The following ABCG4 variants were observed in gnomAD, a reference collection of about 807,000 sequenced individuals.
The protein encoded by ABCG4 is ATP-binding cassette sub-family G member 4.
ABCG4 carries 35 observed loss-of-function variants against 64.6 expected under a neutral mutation model. That is an observed-to-expected ratio of 0.54 (90% CI 0.41 to 0.72). ABCG4 has a LOEUF of 0.72. ABCG4 is among the 30% of genes least tolerant of loss of function. The pLI, the probability that ABCG4 is intolerant of heterozygous loss-of-function variation, is 0.00. For synonymous variants in ABCG4, 326 were observed against 348.2 expected (o/e 0.94, Z 0.71); for missense variants, 610 against 846.3 (o/e 0.72, Z 3.46).
rs143133021 is a variant in ABCG4, at chr11:119,156,989, C to G, written c.1043C>G (p.Pro348Arg). ...AGCAGCCCTGAGAAGAACGAGGTCCCTGCCCCATGCCCTCCTTGTCCTCCG... is the reference window on the plus strand; with the variant it reads ...AGCAGCCCTGAGAAGAACGAGGTCCGTGCCCCATGCCCTCCTTGTCCTCCG... Reference protein sequence around the residue: ...KKSSPEKNEVPAPCPPCPPEV... With the variant: ...KKSSPEKNEVRAPCPPCPPEV... Residue 348 changes from proline (P) to arginine (R), a missense_variant, in exon 9 of 15, where the codon CCT becomes CGT. By Grantham distance (103) the Pro-to-Arg change is moderately radical. Coordinates refer to ENST00000619701, the MANE Select transcript of ABCG4 (RefSeq NM_022169.5). The surrounding 1 kb of genome is among the most constrained non-coding windows in gnomAD (Gnocchi z 5.5). The G allele has an allele frequency of 6.2e-5, 100 of 1,611,820 alleles. 1 individual carries two copies. The Middle Eastern group carries it at 1.5e-3, about 24-fold the overall frequency.
rs372478255 is a variant in ABCG4, at chr11:119,158,920, G to A, written c.1428G>A (p.Val476=). ...AYYLAKTMAD[V]PFQVVCPVVY... ...ACCTGGCCAAGACCATGGCTGACGT[G>A]CCCTTTCAGGTGGGCCTCTTCCTCC... Residue 476 remains valine (V), a synonymous_variant, in exon 12 of 15, where the codon GTG becomes GTA. Transcript: ENST00000619701. This position sits in a 1 kb window ranked among gnomAD's most constrained non-coding sequence, Gnocchi z 4.5. The A allele has an allele frequency of 8.7e-5, 140 of 1,614,058 alleles. No homozygotes were observed. Among genetic ancestry groups the A allele is most frequent in the Non-Finnish European group, 1.1e-4 (128 of 1,180,038 alleles).
At position 119,149,809 on chromosome 11, in the gene ABCG4, G is replaced by C. The variant is rs551888135; in HGVS notation, c.-12-145G>C. The C allele has an allele frequency of 1.6e-6, 2 of 1,277,042 alleles. No homozygotes were observed. The allele number at this position is 1,277,042 out of a possible 1,614,324, so 79.1% of individuals were successfully genotyped here. On this transcript the variant is annotated intron_variant, in intron 1 of 14. Coordinates refer to ENST00000619701, the MANE Select transcript of ABCG4 (RefSeq NM_022169.5). The surrounding 1 kb of genome is among the most constrained non-coding windows in gnomAD (Gnocchi z 8.3). Reference sequence around the variant, plus strand: ...AGCGTCTCCGTGCGGAGAGTGGGGGGCGGGGGCAGAGTGCGGGGCTAACAG... The same window carrying C: ...AGCGTCTCCGTGCGGAGAGTGGGGGCCGGGGGCAGAGTGCGGGGCTAACAG...
chr11:119,158,034 T>C lies in ABCG4; in HGVS notation c.1069-200T>C, dbSNP rs1948289916. ...TCCTCCCTCCCAAGTTTTTGCCCCC[T>C]TTTTGTGTCTGAATCTTGCTCTGAT... On this transcript the variant is annotated intron_variant, in intron 9 of 14. Coordinates refer to ENST00000619701, the MANE Select transcript of ABCG4 (RefSeq NM_022169.5). This position sits in a 1 kb window ranked among gnomAD's most constrained non-coding sequence, Gnocchi z 4.5. Among the ~76,000 whole-genome samples the C allele has an allele frequency of 6.6e-6, 1 of 152,180 alleles. No individual in the cohort carries two copies. The highest frequency in any genetic ancestry group is 1.5e-5 in the Non-Finnish European group (1 of 68,044).
At position 119,160,067 on chromosome 11, in the gene ABCG4, G is replaced by A. The variant is rs1387197007; in HGVS notation, c.1438-160G>A. ...TGGTCATATGGCCAGGGAGGAAGGG[G>A]ACGTGTGTCAATCTGGGGGACAGCT... On this transcript the variant is annotated intron_variant, in intron 12 of 14. Transcript: ENST00000619701. This position sits in a 1 kb window ranked among gnomAD's most constrained non-coding sequence, Gnocchi z 4.6. 1.3e-5 allele frequency among the ~76,000 whole-genome samples: 2 copies of A among 152,066 alleles called. No homozygotes were observed. Among genetic ancestry groups the A allele is most frequent in the East Asian group, 3.9e-4 (2 of 5,136 alleles).
rs551732855 is a variant in ABCG4 at position 119,152,346 on chromosome 11, T to C, written c.239-1680T>C. Among the ~76,000 whole-genome samples the C allele has an allele frequency of 5.9e-5, 9 of 152,316 alleles. No homozygotes were observed. The East Asian group carries it at 1.7e-3, about 29-fold the overall frequency. On this transcript the variant is annotated intron_variant, in intron 2 of 14. Transcript: ENST00000619701. ...CCAGGCAGTTGCTGTGATCAGGACC[T>C]GGCAGCGGGCAGGAGCTGCTCCCCC...
intron 12 of ABCG4, 113 bp downstream of exon 12, chr11:119,159,042 T>C: frequency 9.6e-7 from 1 of 1,039,132 alleles, no homozygotes; most frequent in Non-Finnish European, 1.5e-6. Context: ...GTCCTTCTAC[T>C]CACTTAGCAA....
In ABCG4 at chr11:119,160,294, G is replaced by A. The variant is rs374791984; in HGVS notation, c.1505G>A (p.Arg502His). Residue 502 changes from arginine to histidine, a missense_variant, in exon 13 of 15, where the codon CGC becomes CAC. Physicochemically the swap from Arg to His is conservative, Grantham distance 29. Coordinates refer to ENST00000619701, the MANE Select transcript of ABCG4 (RefSeq NM_022169.5). The surrounding 1 kb of genome is among the most constrained non-coding windows in gnomAD (Gnocchi z 4.6). ...WMTGQPAETS[R>H]FLLFSALATA... ...ACGGGCCAGCCCGCTGAGACCAGCCGCTTCCTGCTCTTCTCAGCCCTGGCC... is the reference window on the plus strand; with the variant it reads ...ACGGGCCAGCCCGCTGAGACCAGCCACTTCCTGCTCTTCTCAGCCCTGGCC... 1.3e-5 allele frequency: 21 copies of A among 1,613,778 alleles called. No individual in the cohort carries two copies. Among genetic ancestry groups the A allele is most frequent in the South Asian group, 4.4e-5 (4 of 91,078 alleles).
intron 2 of ABCG4, among the ~76,000 whole-genome samples, chr11:119,151,498 G>T (rs1168157545): frequency 3.5e-4 from 54 of 152,284 alleles, no homozygotes. Flanking sequence ...GCAATTAAGG[G>T]TAGGCAGAAA....
In ABCG4 at chr11:119,149,121, C is replaced by T. The variant is rs1423913347; in HGVS notation, c.-255C>T. The T allele has an allele frequency of 6.6e-6, 1 of 152,140 alleles. No homozygotes were observed. The highest frequency in any genetic ancestry group is 1.5e-5 in the Non-Finnish European group (1 of 68,046). 9.4% of individuals were successfully genotyped at this position (152,140 alleles called of 1,614,324 possible). A position where few individuals can be genotyped will look rare whatever the true frequency, so the allele number is the denominator to read the frequency against. Reference sequence around the variant, plus strand: ...CTCTGGGAAGCGGGTGTGCACAGCCCAGCAGAGTCAGGGCGCGACCCCAAC... The same window carrying T: ...CTCTGGGAAGCGGGTGTGCACAGCCTAGCAGAGTCAGGGCGCGACCCCAAC... On this transcript the variant is annotated 5_prime_UTR_variant, in exon 1 of 15. Transcript: ENST00000619701. The surrounding 1 kb of genome is among the most constrained non-coding windows in gnomAD (Gnocchi z 8.3).
chr11:119,159,343 C>A (rs1459459358), intron 12 of ABCG4, among the ~76,000 whole-genome samples: 1 of 150,880 alleles, frequency 6.6e-6, no homozygotes, highest in African/African-American at 2.4e-5. Flanking sequence ...AAAAATTAAC[C>A]AGGCTTGGTG....
Position 119,161,133 on chromosome 11 carries a change from C to T in ABCG4, c.*27C>T, listed in dbSNP as rs1238285814. The T allele has an allele frequency of 1.9e-6, 3 of 1,598,154 alleles. No homozygotes were observed. The African/African-American group carries it at 4.0e-5, about 21-fold the overall frequency. ...GGCTTGCCCCAGCCTGTACCCCAGC[C>T]CCTGCAGCAGGAAGCCCCCAGTCCC... On this transcript the variant is annotated 3_prime_UTR_variant, in exon 15 of 15. Transcript: ENST00000619701.
Position 119,156,997 on chromosome 11 carries a change from T to C in ABCG4, c.1051T>C (p.Cys351Arg). 1 of 1,609,918 alleles carries C rather than the reference T, an allele frequency of 6.2e-7. No individual in the cohort carries two copies. The highest frequency in any genetic ancestry group is 8.5e-7 in the Non-Finnish European group (1 of 1,178,010). ...TGAGAAGAACGAGGTCCCTGCCCCA[T>C]GCCCTCCTTGTCCTCCGGTGAGTAG... ...SPEKNEVPAP[C>R]PPCPPEVDPI... Residue 351 changes from cysteine (C) to arginine (R), a missense_variant, in exon 9 of 15, where the codon TGC becomes CGC. By Grantham distance (180) the Cys-to-Arg change is radical (BLOSUM62 -3). Coordinates refer to ENST00000619701, the MANE Select transcript of ABCG4 (RefSeq NM_022169.5). The surrounding 1 kb of genome is among the most constrained non-coding windows in gnomAD (Gnocchi z 5.5).
In ABCG4 at chr11:119,149,849, C is replaced by T. The variant is rs1450764807; in HGVS notation, c.-12-105C>T. 1 of 1,447,962 alleles carries T rather than the reference C, an allele frequency of 6.9e-7. No homozygotes were observed. The highest frequency in any genetic ancestry group is 1.4e-5 in the African/African-American group (1 of 70,300). 89.7% of individuals were successfully genotyped at this position (1,447,962 alleles called of 1,614,324 possible). ...GGGGCTAACAGTCGCGGATCTGCCC[C>T]GAGAAGGAGGTGGGCAGTGGGGGCG... On this transcript the variant is annotated intron_variant, in intron 1 of 14. Transcript: ENST00000619701. This position sits in a 1 kb window ranked among gnomAD's most constrained non-coding sequence, Gnocchi z 8.3.
rs988928786 is a variant in ABCG4, at chr11:119,150,232, G to T, written c.238+29G>T. ...GGGAACAGCCTGGTAGGGGGAGTCC[G>T]TGGGCCCTCTCTGAGTTGCCTCTCC... On this transcript the variant is annotated intron_variant, in intron 2 of 14. Coordinates refer to ENST00000619701, the MANE Select transcript of ABCG4 (RefSeq NM_022169.5). The surrounding 1 kb of genome is among the most constrained non-coding windows in gnomAD (Gnocchi z 4.3). 7.5e-6 allele frequency: 12 copies of T among 1,600,196 alleles called. No individual in the cohort carries two copies. The highest frequency in any genetic ancestry group is 2.2e-5 in the East Asian group (1 of 44,534).
Position 119,160,815 on chromosome 11 carries a change from T to TG in ABCG4, c.1716-64dup. 1 of 1,553,842 alleles carries TG rather than the reference T, an allele frequency of 6.4e-7. No homozygotes were observed. Among genetic ancestry groups the TG allele is most frequent in the Non-Finnish European group, 8.8e-7 (1 of 1,132,932 alleles). On this transcript the variant is annotated intron_variant, in intron 14 of 14. Coordinates refer to ENST00000619701, the MANE Select transcript of ABCG4 (RefSeq NM_022169.5). The surrounding 1 kb of genome is among the most constrained non-coding windows in gnomAD (Gnocchi z 4.6). ...GGATGACAGCATTGCAGCTGGGCTC[T>TG]GGCAGTTTTCTCAGAGAGCAGGGAC...
In ABCG4 at chr11:119,158,748, TG is replaced by T; in HGVS notation, c.1336+27del. ...CCTGTGAGCTGAGCTGCCCTGGGCA[TG>T]GGGCAAGGGTGTGGGTGCTGGGGCT... On this transcript the variant is annotated intron_variant, in intron 11 of 14. Transcript: ENST00000619701. This position sits in a 1 kb window ranked among gnomAD's most constrained non-coding sequence, Gnocchi z 4.5. The T allele has an allele frequency of 6.2e-7, 1 of 1,614,090 alleles. No individual in the cohort carries two copies. The highest frequency in any genetic ancestry group is 1.7e-5 in the Admixed American group (1 of 60,020).
intron 9 of ABCG4, among the ~76,000 whole-genome samples, chr11:119,157,718 T>C (rs1247764464): frequency 1.5e-5 from 2 of 132,708 alleles, no homozygotes; most frequent in Admixed American, 1.4e-4. Context: ...ATACAAAAAT[T>C]AGCCGGGCGT....
Position 119,158,654 on chromosome 11 carries a change from A to G in ABCG4, c.1265A>G (p.Asn422Ser), listed in dbSNP as rs534751103. ...HIGDDASKVF[N>S]NTGCLFFSML... is the part of the protein sequence containing the mutation. ...GGCGACGATGCCAGCAAGGTCTTCA[A>G]CAACACCGGCTGCCTCTTCTTCTCC... Residue 422 changes from asparagine to serine, a missense_variant, in exon 11 of 15, where the codon AAC becomes AGC. Asn to Ser is a conservative substitution (Grantham distance 46). Coordinates refer to ENST00000619701, the MANE Select transcript of ABCG4 (RefSeq NM_022169.5). The surrounding 1 kb of genome is among the most constrained non-coding windows in gnomAD (Gnocchi z 4.5). 2.5e-5 allele frequency: 40 copies of G among 1,614,176 alleles called. No homozygotes were observed. The Middle Eastern group carries it at 4.9e-4, about 20-fold the overall frequency.
At chr11:119,157,726 C>A (rs1254349643) in intron 9 of ABCG4, among the ~76,000 whole-genome samples, 1 of 140,936 alleles carries the variant, frequency 7.1e-6, no homozygotes, top group East Asian at 2.2e-4. Context: ...ATTAGCCGGG[C>A]GTGGTGGCGG....
Sources: allele counts gnomAD v4.1 joint callset (sites outside exome capture counted in the v4.1 genomes callset), GRCh38; gene constraint gnomAD v4.1.1; non-coding constraint Gnocchi (gnomAD v3.1); transcripts MANE v1.5; gene names NCBI Gene and HGNC (gene_info 2026-07-23, HGNC 2026-07-21).